The following BIN1 variants were observed in gnomAD, a reference collection of about 807,000 sequenced individuals.
The protein encoded by BIN1 is bridging integrator 1, also known as myc box-dependent-interacting protein 1.
A neutral mutation model predicts 82.0 loss-of-function variants in BIN1; 53 were observed. The observed-to-expected ratio is 0.65, with a 90% CI of 0.52 to 0.81. The LOEUF (loss-of-function observed/expected upper bound fraction) is 0.81, where lower values mean the gene tolerates loss of function less well. Ranked by LOEUF, BIN1 falls within the 40% of genes least tolerant of loss-of-function variation. The probability of loss-of-function intolerance (pLI) is 0.00; values close to 1 mark genes in which losing one functional copy is unlikely to be tolerated. For missense variants in BIN1, 642 were observed against 784.4 expected (o/e 0.82, Z 2.17); for synonymous variants, 302 against 328.0 (o/e 0.92, Z 0.86).
In BIN1 at chr2:127,052,313, G is replaced by C. The variant is rs1348076560; in HGVS notation, c.1313C>G (p.Ala438Gly). 6.3e-7 allele frequency: 1 copy of C among 1,586,948 alleles called. No homozygotes were observed. Among genetic ancestry groups the C allele is most frequent in the Non-Finnish European group, 8.6e-7 (1 of 1,167,078 alleles). The change falls in exon 15 of 19, where the codon GCC (alanine) becomes GGC (glycine). Residue 438 changes from alanine (A) to glycine (G), a missense_variant. By Grantham distance (60) the Ala-to-Gly change is moderately conservative (BLOSUM62 0). Transcript: ENST00000316724. ...GSLPSGEPSA[A>G]EGTFAVSWPS... ...CCAGGACACAGCAAAGGTGCCCTCG[G>C]CAGCGCTGGGCTCCCCGGAAGGCAG...
chr2:127,070,455 A>G (rs1298377710), intron 4 of BIN1, 98 bp downstream of exon 4: 19 of 1,456,988 alleles, frequency 1.3e-5, no homozygotes, highest in Non-Finnish European at 1.8e-5. Flanking sequence ...AATGCCCGAG[A>G]ACCAGAGAGG....
intron 1 of BIN1, among the ~76,000 whole-genome samples, chr2:127,092,447 C>T (rs1300515812): frequency 1.3e-5 from 2 of 152,178 alleles, no homozygotes; most frequent in Admixed American, 6.5e-5. Context: ...AGGGAGGTAA[C>T]AGGAGCAACA....
chr2:127,106,975 C>T lies in BIN1; in HGVS notation c.-32G>A, dbSNP rs889429014. On this transcript the variant is annotated 5_prime_UTR_variant, in exon 1 of 19. Transcript: ENST00000316724. ...GCAGGCCTCGCCCGGTGGCAGGGGC[C>T]GCTCTCGCGCGGGGAGATCTTGCGC... 1 of 1,594,648 alleles carries T rather than the reference C, an allele frequency of 6.3e-7. No individual in the cohort carries two copies. The highest frequency in any genetic ancestry group is 8.5e-7 in the Non-Finnish European group (1 of 1,173,320).
At chr2:127,079,143 A>C (rs569808666) in intron 1 of BIN1, among the ~76,000 whole-genome samples, 7 of 152,334 alleles carry the variant, frequency 4.6e-5, no homozygotes, top group Non-Finnish European at 8.8e-5. Flanking sequence ...CCCAGTTCCC[A>C]AACACTGCTG....
intron 2 of BIN1, among the ~76,000 whole-genome samples, chr2:127,074,134 C>T (rs1686289923): frequency 1.3e-5 from 2 of 152,094 alleles, no homozygotes; most frequent in Non-Finnish European, 2.9e-5. Flanking sequence ...GCTTGGGGCT[C>T]ACAGAATCAG....
At chr2:127,087,355 G>T (rs1465621155) in intron 1 of BIN1, among the ~76,000 whole-genome samples, 1 of 152,182 alleles carries the variant, frequency 6.6e-6, no homozygotes, top group African/African-American at 2.4e-5. Flanking sequence ...GTGTCCAGTT[G>T]ACTCCAGGCC....
chr2:127,072,814 G>A (rs779163057), intron 2 of BIN1, among the ~76,000 whole-genome samples: 9 of 152,088 alleles, frequency 5.9e-5, no homozygotes, highest in East Asian at 1.9e-4. Context: ...GAGACCCCGC[G>A]GGGCCGGGGA....
chr2:127,075,405 G>T (rs1371462963), intron 2 of BIN1, among the ~76,000 whole-genome samples: 1 of 152,114 alleles, frequency 6.6e-6, no homozygotes, highest in Non-Finnish European at 1.5e-5. Context: ...CAGGTTTCTT[G>T]TTCAAGCCTC....
intron 2 of BIN1, among the ~76,000 whole-genome samples, chr2:127,071,224 C>A (rs536498497): frequency 6.6e-6 from 1 of 152,210 alleles, no homozygotes; most frequent in Non-Finnish European, 1.5e-5. Context: ...GGAGTATGGG[C>A]AAGGCAGGTG....
chr2:127,085,163 TG>T (rs1055934933), intron 1 of BIN1, among the ~76,000 whole-genome samples: 4 of 152,066 alleles, frequency 2.6e-5, no homozygotes, highest in African/African-American at 9.7e-5. Flanking sequence ...TACGGGCAGC[TG>T]GGCCCCTTGC....
At chr2:127,071,668 G>A (rs546174837) in intron 2 of BIN1, among the ~76,000 whole-genome samples, 1 of 152,328 alleles carries the variant, frequency 6.6e-6, no homozygotes, top group South Asian at 2.1e-4. Context: ...TGAGGTCTGA[G>A]ACCATGCTCA....
intron 1 of BIN1, among the ~76,000 whole-genome samples, chr2:127,099,800 C>A (rs1680072128): frequency 6.7e-6 from 1 of 150,324 alleles, no homozygotes; most frequent in Non-Finnish European, 1.5e-5. Context: ...GCGTGAGCCA[C>A]TGCGCCTGGC....
intron 12 of BIN1, chr2:127,056,622 C>T (rs936749696): frequency 1.3e-5 from 2 of 152,334 alleles, no homozygotes; most frequent in Admixed American, 1.3e-4. Flanking sequence ...AGGCGAGGCT[C>T]TGTGTGGGAA....
chr2:127,100,320 G>A (rs745760), intron 1 of BIN1, among the ~76,000 whole-genome samples: 1 of 150,866 alleles, frequency 6.6e-6, no homozygotes, highest in Non-Finnish European at 1.5e-5. Flanking sequence ...TCCGACAGGG[G>A]CCCCAAGTCT....
At chr2:127,098,229 C>A (rs1679846815) in intron 1 of BIN1, among the ~76,000 whole-genome samples, 1 of 152,156 alleles carries the variant, frequency 6.6e-6, no homozygotes, top group Admixed American at 6.5e-5. Context: ...GCGGGGATGC[C>A]CCAGGGGCTC....
chr2:127,069,178 G>A (rs1020765267), intron 5 of BIN1, 147 bp from the exon 6 acceptor site: 18 of 722,070 alleles, frequency 2.5e-5, no homozygotes, highest in Admixed American at 1.2e-4. Flanking sequence ...AACCCTCCTC[G>A]TGGCAGAGAG....
At chr2:127,106,512 C>T (rs1345129521) in intron 1 of BIN1, among the ~76,000 whole-genome samples, 2 of 152,208 alleles carry the variant, frequency 1.3e-5, no homozygotes, top group African/African-American at 2.4e-5. Flanking sequence ...GGCCTCCCAG[C>T]CTCCCGGCCC....
At chr2:127,085,609 G>T (rs1296718181) in intron 1 of BIN1, among the ~76,000 whole-genome samples, 1 of 152,120 alleles carries the variant, frequency 6.6e-6, no homozygotes, top group Non-Finnish European at 1.5e-5. Flanking sequence ...CCCATAATGA[G>T]GAAGGAGCCC....
Position 127,063,575 on chromosome 2 carries a change from C to T in BIN1, c.770G>A (p.Ser257Asn), listed in dbSNP as rs761203710. 1.9e-6 allele frequency: 3 copies of T among 1,613,778 alleles called. No individual in the cohort carries two copies. Among genetic ancestry groups the T allele is most frequent in the South Asian group, 2.2e-5 (2 of 91,008 alleles). The change falls in exon 9 of 19, where the codon AGC (serine) becomes AAC (asparagine). Residue 257 changes from serine (S) to asparagine (N), a missense_variant. Ser to Asn is a conservative substitution (Grantham distance 46, BLOSUM62 1). Transcript: ENST00000316724. Reference protein sequence around the residue: ...GLEENFHKEMSKLNQNLNDVL... With the variant: ...GLEENFHKEMNKLNQNLNDVL... ...AGAGGGGTCCCCATGGCCTACCTTG[C>T]TCATCTCCTTGTGGAAGTTTTCCTC...
Sources: gnomAD v4.1 joint callset for allele counts (sites outside exome capture counted in the v4.1 genomes callset) on GRCh38, gnomAD v4.1.1 for gene constraint, MANE v1.5 for transcripts, NCBI Gene and HGNC (gene_info 2026-07-23, HGNC 2026-07-21) for gene names.